The following STK3 variants were observed in gnomAD, a reference collection of about 807,000 sequenced individuals.
The protein encoded by STK3 is serine/threonine kinase 3.
STK3 carries 41 observed loss-of-function variants against 58.0 expected under a neutral mutation model. The observed-to-expected ratio is 0.71, with a 90% CI of 0.55 to 0.92. STK3 has a LOEUF of 0.92. Among genes scored for constraint, STK3 ranks in the 40% least tolerant of loss-of-function variants. The probability of loss-of-function intolerance (pLI) is 0.00; values close to 1 mark genes in which losing one functional copy is unlikely to be tolerated. For synonymous variants in STK3, 170 were observed against 191.0 expected (o/e 0.89, Z 0.91); for missense variants, 479 against 602.7 (o/e 0.79, Z 2.15).
Position 98,800,673 on chromosome 8 carries a change from G to A in STK3, c.26+24842C>T, listed in dbSNP as rs538634139. Among the ~76,000 whole-genome samples, 64 of 152,300 alleles carry A rather than the reference G, an allele frequency of 4.2e-4. 1 individual carries two copies. The highest frequency in any genetic ancestry group is 1.5e-3 in the South Asian group (7 of 4,822). On this transcript the variant is annotated intron_variant, in intron 1 of 10. Coordinates refer to ENST00000419617, the MANE Select transcript of STK3 (RefSeq NM_006281.4). The surrounding 1 kb of genome is among the most constrained non-coding windows in gnomAD (Gnocchi z 4.8). ...GGTGGGTGTGGGCTTGATGGGCCCC[G>A]CACTCAGAGTGGCCAGCTGATGCCG...
rs1369537528 is a variant in STK3 at position 98,633,629 on chromosome 8, A to T, written c.685-37460T>A. On this transcript the variant is annotated intron_variant, in intron 6 of 10. Transcript: ENST00000419617. Reference sequence around the variant, plus strand: ...ATTTGCGGAGGAACATTGGTGTTACAGCAGTGGCGTTTAATAAGGAACTTG... The same window carrying T: ...ATTTGCGGAGGAACATTGGTGTTACTGCAGTGGCGTTTAATAAGGAACTTG... The T allele has an allele frequency of 5.5e-6, 4 of 733,068 alleles. No individual in the cohort carries two copies. The African/African-American group carries it at 6.9e-5, about 13-fold the overall frequency. The allele number at this position is 733,068 out of a possible 1,614,324, so 45.4% of individuals were successfully genotyped here.
intron 1 of STK3, chr8:98,437,442 C>A (rs946970908): frequency 3.9e-5 from 6 of 152,316 alleles, no homozygotes; most frequent in Non-Finnish European, 7.3e-5. Context: ...AGTCCCTGGG[C>A]ACCCAGGAAT....
intron 1 of STK3, among the ~76,000 whole-genome samples, chr8:98,822,203 T>G (rs1834955138): frequency 6.6e-6 from 1 of 152,242 alleles, no homozygotes; most frequent in Non-Finnish European, 1.5e-5. Flanking sequence ...ACATGGTGGC[T>G]TCAAATGTAT....
intron 4 of STK3, among the ~76,000 whole-genome samples, chr8:98,721,408 T>A (rs962857445): frequency 1.3e-5 from 2 of 152,086 alleles, no homozygotes; most frequent in Non-Finnish European, 1.5e-5. Context: ...CACAGGCCTA[T>A]AGTCTCAGCT....
intron 3 of STK3, among the ~76,000 whole-genome samples, chr8:98,424,078 G>A (rs987911691): frequency 3.3e-5 from 5 of 152,268 alleles, no homozygotes; most frequent in African/African-American, 1.2e-4. Context: ...CCCCGGTATG[G>A]AAGGAGGGAG....
downstream of STK3, chr8:98,883,491 C>A (rs1467255264): frequency 1.7e-6 from 1 of 572,910 alleles, no homozygotes; most frequent in Non-Finnish European, 3.1e-6. Context: ...TCCAAACACT[C>A]TTCTGTATTA....
intron 3 of STK3, chr8:98,431,918 G>A (rs1818339737): frequency 6.0e-6 from 1 of 167,076 alleles, no homozygotes; most frequent in Admixed American, 6.5e-5. Flanking sequence ...GCATGAGAAT[G>A]TCCCAATAGC....
chr8:98,749,416 A>C (rs760822753), intron 3 of STK3, 26 bp from the exon 4 acceptor site: 1 of 1,328,322 alleles, frequency 7.5e-7, no homozygotes, highest in Non-Finnish European at 1.0e-6. Flanking sequence ...TAAACAATTA[A>C]ATTTAGTTAA....
At chr8:98,461,944 T>C (rs1482267767) in intron 10 of STK3, among the ~76,000 whole-genome samples, 1 of 112,524 alleles carries the variant, frequency 8.9e-6, no homozygotes, top group Non-Finnish European at 1.8e-5. Context: ...CTCCTAGAAG[T>C]TCTTTTTTAA....
At chr8:98,745,998 T>A (rs578243880) in intron 4 of STK3, among the ~76,000 whole-genome samples, 2 of 152,340 alleles carry the variant, frequency 1.3e-5, no homozygotes, top group South Asian at 2.1e-4. Context: ...TATTCGTGTA[T>A]CTAAACACAT....
At chr8:98,421,706 G>A (rs1287561004) in intron 3 of STK3, among the ~76,000 whole-genome samples, 1 of 152,110 alleles carries the variant, frequency 6.6e-6, no homozygotes, top group Non-Finnish European at 1.5e-5. Flanking sequence ...AACCCGGGAG[G>A]TGGAGGTTGC....
intron 1 of STK3, among the ~76,000 whole-genome samples, chr8:98,914,511 T>C (rs1457342629): frequency 2.2e-5 from 3 of 139,392 alleles, no homozygotes; most frequent in African/African-American, 7.6e-5. Flanking sequence ...CTCTCTCTCT[T>C]CACTCTTAAA....
intron 6 of STK3, among the ~76,000 whole-genome samples, chr8:98,655,778 A>G (rs902959720): frequency 4.6e-5 from 7 of 152,154 alleles, no homozygotes; most frequent in African/African-American, 1.7e-4. Context: ...AATCAAAACC[A>G]CAATGAGACA....
At chr8:98,401,636 C>T (rs1216447627) in intron 3 of STK3, 1 of 152,242 alleles carries the variant, frequency 6.6e-6, no homozygotes, top group African/African-American at 2.4e-5. Flanking sequence ...CAATCACTCA[C>T]ACCAAGCATC....
At chr8:98,663,406 C>G (rs1822110336) in intron 6 of STK3, among the ~76,000 whole-genome samples, 1 of 152,200 alleles carries the variant, frequency 6.6e-6, no homozygotes, top group African/African-American at 2.4e-5. Flanking sequence ...AATAGGAACA[C>G]TTTTACAGTG....
At chr8:98,843,354 T>A (rs1453502738) in intron 3 of STK3, among the ~76,000 whole-genome samples, 1 of 152,200 alleles carries the variant, frequency 6.6e-6, no homozygotes, top group African/African-American at 2.4e-5. Flanking sequence ...AATTCCAAAT[T>A]TAGGATTTGC....
At chr8:98,788,265 C>T (rs1832593584) in intron 1 of STK3, among the ~76,000 whole-genome samples, 1 of 151,936 alleles carries the variant, frequency 6.6e-6, no homozygotes, top group South Asian at 2.1e-4. Context: ...TGGTGAAACC[C>T]TGTTTCTACT....
At chr8:98,684,506 C>T (rs192978510) in intron 6 of STK3, among the ~76,000 whole-genome samples, 10 of 152,272 alleles carry the variant, frequency 6.6e-5, no homozygotes, top group African/African-American at 2.2e-4. Flanking sequence ...AATTTATAGT[C>T]TCAATATGTT....
intron 4 of STK3, among the ~76,000 whole-genome samples, chr8:98,708,252 G>A (rs1199087063): frequency 6.6e-6 from 1 of 152,112 alleles, no homozygotes; most frequent in African/African-American, 2.4e-5. Flanking sequence ...TACTGGGAGG[G>A]CACTATCACA....
Sources: allele counts gnomAD v4.1 joint callset (sites outside exome capture counted in the v4.1 genomes callset), GRCh38; gene constraint gnomAD v4.1.1; non-coding constraint Gnocchi (gnomAD v3.1); transcripts MANE v1.5; gene names NCBI Gene and HGNC (gene_info 2026-07-23, HGNC 2026-07-21).